SHANK2: variants seen among roughly 807,000 people sequenced by gnomAD.
The protein encoded by SHANK2 is SH3 and multiple ankyrin repeat domains protein 2.
In SHANK2, 43 loss-of-function variants were observed where a neutral mutation model predicts 133.7. The ratio of observed to expected loss-of-function variants is 0.32; its 90% CI spans 0.25 to 0.41. The LOEUF (loss-of-function observed/expected upper bound fraction) is 0.41, where lower values mean the gene tolerates loss of function less well. SHANK2 is among the 10% of genes least tolerant of loss of function. SHANK2 has a pLI of 1.00. For missense variants in SHANK2, 1,994 were observed against 2,235.8 expected (o/e 0.89, Z 2.18); for synonymous variants, 1,017 against 952.8 (o/e 1.07, Z -1.24).
chr11:71,156,693 G>A (rs545521580), intron 2 of SHANK2, among the ~76,000 whole-genome samples: 30 of 152,278 alleles, frequency 2.0e-4, no homozygotes, highest in African/African-American at 7.2e-4. Context: ...AATGTAACTG[G>A]ATAGAACAAA....
chr11:71,075,632 A>T (rs1248559755), intron 8 of SHANK2, among the ~76,000 whole-genome samples: 1 of 152,120 alleles, frequency 6.6e-6, no homozygotes, highest in East Asian at 1.9e-4. Context: ...GCCCAGCTCC[A>T]CAAGATGCAA....
At chr11:70,865,477 G>T (rs545202624) in intron 11 of SHANK2, among the ~76,000 whole-genome samples, 4 of 152,184 alleles carry the variant, frequency 2.6e-5, no homozygotes, top group African/African-American at 7.2e-5. Context: ...GGGCACGCGG[G>T]GGGTGTCTGA....
intron 10 of SHANK2, among the ~76,000 whole-genome samples, chr11:70,923,517 C>G (rs1950380608): frequency 6.6e-6 from 1 of 152,172 alleles, no homozygotes; most frequent in Non-Finnish European, 1.5e-5. Context: ...ACTGGGATCA[C>G]AGGCATGAGC....
chr11:70,627,659 T>C (rs951505255), intron 17 of SHANK2, among the ~76,000 whole-genome samples: 1 of 152,230 alleles, frequency 6.6e-6, no homozygotes, highest in African/African-American at 2.4e-5. Context: ...ATCACATATA[T>C]CCTGGAGATG....
chr11:71,126,396 T>C (rs1290771251), intron 3 of SHANK2, among the ~76,000 whole-genome samples: 1 of 152,170 alleles, frequency 6.6e-6, no homozygotes, highest in Non-Finnish European at 1.5e-5. Flanking sequence ...ATATTGCTGC[T>C]CCTTGACAAT....
intron 12 of SHANK2, among the ~76,000 whole-genome samples, chr11:70,811,953 A>T (rs1555053305): frequency 6.6e-6 from 1 of 152,248 alleles, no homozygotes; most frequent in African/African-American, 2.4e-5. Context: ...ACTATCCATC[A>T]TTGGACAAGT....
chr11:70,759,639 G>A (rs1025066575), intron 14 of SHANK2, among the ~76,000 whole-genome samples: 1 of 152,174 alleles, frequency 6.6e-6, no homozygotes, highest in African/African-American at 2.4e-5. Flanking sequence ...GGCTCCTGGT[G>A]GCAATAAGAG....
chr11:71,252,203 A>C lies in SHANK2; in HGVS notation c.-113+222T>G, dbSNP rs1948196974. On this transcript the variant is annotated intron_variant, in intron 1 of 25. Coordinates refer to ENST00000601538, the MANE Select transcript of SHANK2 (RefSeq NM_012309.5). The surrounding 1 kb of genome is among the most constrained non-coding windows in gnomAD (Gnocchi z 6.3). ...CCCGGGAAGAAAGGCATGCAGGGGG[A>C]AGGGCTCTCTACGGAAAATCGACCC... 6.6e-6 allele frequency among the ~76,000 whole-genome samples: 1 copy of C among 151,818 alleles called. No homozygotes were observed. The highest frequency in any genetic ancestry group is 2.4e-5 in the African/African-American group (1 of 41,336).
chr11:70,701,890 T>C (rs1945529221), intron 14 of SHANK2, among the ~76,000 whole-genome samples: 1 of 151,580 alleles, frequency 6.6e-6, no homozygotes, highest in Admixed American at 6.6e-5. Flanking sequence ...CCCATCATCA[T>C]CACCACCACC....
intron 17 of SHANK2, among the ~76,000 whole-genome samples, chr11:70,619,902 TG>T (rs1479158312): frequency 6.6e-6 from 1 of 152,196 alleles, no homozygotes; most frequent in African/African-American, 2.4e-5. Context: ...GGAGCACGTT[TG>T]GGGCTCAGCT....
chr11:70,955,534 GT>G (rs1950908703), intron 10 of SHANK2, among the ~76,000 whole-genome samples: 6 of 152,004 alleles, frequency 3.9e-5, no homozygotes, highest in African/African-American at 1.2e-4. Context: ...ATATATTTGT[GT>G]ATGTGTGTAC....
intron 8 of SHANK2, among the ~76,000 whole-genome samples, chr11:71,076,450 G>C (rs1014840107): frequency 2.6e-5 from 4 of 151,130 alleles, no homozygotes; most frequent in African/African-American, 4.9e-5. Flanking sequence ...AAGATGACAG[G>C]GAAGATATTG....
At chr11:71,149,721 G>T (rs9888203) in intron 2 of SHANK2, among the ~76,000 whole-genome samples, 42,235 of 144,358 alleles carry the variant, frequency 0.29, 7,297 homozygotes, top group African/African-American at 0.47. Context: ...CTCACTGTGT[G>T]GATACGCAAG....
chr11:71,215,031 A>G (rs1555119523), intron 2 of SHANK2, among the ~76,000 whole-genome samples: 1 of 152,140 alleles, frequency 6.6e-6, no homozygotes, highest in African/African-American at 2.4e-5. Context: ...CTGCAGGTAC[A>G]TGGGGCTTTC....
At chr11:71,123,402 G>A (rs1952114763) in intron 3 of SHANK2, among the ~76,000 whole-genome samples, 1 of 152,234 alleles carries the variant, frequency 6.6e-6, no homozygotes, top group African/African-American at 2.4e-5. Context: ...AGAGGAAGGA[G>A]TAAGTGACGC....
chr11:70,750,494 G>A (rs782128681), intron 14 of SHANK2, among the ~76,000 whole-genome samples: 13 of 152,162 alleles, frequency 8.5e-5, no homozygotes, highest in East Asian at 1.9e-4. Flanking sequence ...CCATTTGACC[G>A]TGGATGAAGG....
rs369655398 is a variant in SHANK2, at chr11:70,820,552, G to C, written c.1305C>G (p.Val435=). The C allele has an allele frequency of 7.0e-6, 5 of 716,950 alleles. No homozygotes were observed. Among genetic ancestry groups the C allele is most frequent in the East Asian group, 2.7e-5 (1 of 37,284 alleles). The allele number at this position is 716,950 out of a possible 1,614,324, so 44.4% of individuals were successfully genotyped here. Residue 435 remains valine (V), a synonymous_variant, in exon 12 of 26, where the codon GTC becomes GTG. Transcript: ENST00000601538. ...NLNASAPDWA[V]CSTATSHRSL... is the part of the protein sequence containing the mutation. Reference sequence around the variant, plus strand: ...TGCGGTGCGAGGTGGCCGTGGAGCAGACGGCCCAGTCGGGAGCGCTGGCAT... The same window carrying C: ...TGCGGTGCGAGGTGGCCGTGGAGCACACGGCCCAGTCGGGAGCGCTGGCAT...
chr11:70,611,093 C>T (rs2060651372), intron 17 of SHANK2, among the ~76,000 whole-genome samples: 1 of 152,156 alleles, frequency 6.6e-6, no homozygotes, highest in African/African-American at 2.4e-5. Context: ...CTCCACAACC[C>T]AAGAATTGCC....
intron 14 of SHANK2, among the ~76,000 whole-genome samples, chr11:70,725,253 A>T (rs138071131): frequency 2.2e-4 from 34 of 152,362 alleles, no homozygotes; most frequent in African/African-American, 7.7e-4. Context: ...AATATTCATA[A>T]ATGCCACTAA....
Sources: gnomAD v4.1 joint callset for allele counts (sites outside exome capture counted in the v4.1 genomes callset) on GRCh38, gnomAD v4.1.1 for gene constraint, Gnocchi (gnomAD v3.1) non-coding constraint, MANE v1.5 for transcripts, NCBI Gene and HGNC (gene_info 2026-07-23, HGNC 2026-07-21) for gene names.